Variants in LRP1B observed in about 807,000 individuals in gnomAD.
The protein encoded by LRP1B is low-density lipoprotein receptor-related protein 1B.
Under a neutral mutation model 556.6 loss-of-function variants are expected in LRP1B, and 217 were observed. The ratio of observed to expected loss-of-function variants is 0.39; its 90% CI spans 0.35 to 0.44. The LOEUF is 0.44. LRP1B is among the 20% of genes least tolerant of loss of function. The pLI is 1.00. For missense variants in LRP1B, 5,053 were observed against 5,620.8 expected (o/e 0.90, Z 3.23); for synonymous variants, 2,047 against 1,865.8 (o/e 1.10, Z -2.50).
intron 3 of LRP1B, among the ~76,000 whole-genome samples, chr2:141,389,992 G>T (rs1456088244): frequency 6.6e-6 from 1 of 152,042 alleles, no homozygotes; most frequent in Non-Finnish European, 1.5e-5. Flanking sequence ...ATGAAAATTG[G>T]CCAGGAGTGA....
chr2:140,395,490 G>C (rs542185825), intron 66 of LRP1B, among the ~76,000 whole-genome samples: 1 of 152,174 alleles, frequency 6.6e-6, no homozygotes, highest in Admixed American at 6.5e-5. Flanking sequence ...CACTTACAGG[G>C]ACAACCTGTT....
At chr2:140,382,537 T>C (rs527586570) in intron 67 of LRP1B, among the ~76,000 whole-genome samples, 3 of 152,092 alleles carry the variant, frequency 2.0e-5, no homozygotes, top group Non-Finnish European at 2.9e-5. Context: ...GAAATAATTG[T>C]TGAAGCAAAG....
At position 142,053,857 on chromosome 2, in the gene LRP1B, G is replaced by T. The variant is rs145371281; in HGVS notation, c.82+76791C>A. Among the ~76,000 whole-genome samples, 544 of 152,274 alleles carry T rather than the reference G, an allele frequency of 3.6e-3. 4 individuals carry two copies. The highest frequency in any genetic ancestry group is 0.013 in the African/African-American group (522 of 41,564). On this transcript the variant is annotated intron_variant, in intron 1 of 90. Coordinates refer to ENST00000389484, the MANE Select transcript of LRP1B (RefSeq NM_018557.3). ...GAGTTAAGTGAGTAAGTCAGAATTT[G>T]TAAGTGCAATTACAAATGCTGCAAT...
chr2:140,654,421 A>G (rs933552778), intron 41 of LRP1B, among the ~76,000 whole-genome samples: 36 of 152,330 alleles, frequency 2.4e-4, no homozygotes, highest in African/African-American at 8.4e-4. Flanking sequence ...ATATGTATAT[A>G]AGGGAAAAGG....
intron 87 of LRP1B, among the ~76,000 whole-genome samples, chr2:140,240,918 C>T (rs1007940620): frequency 1.3e-5 from 2 of 150,854 alleles, no homozygotes; most frequent in African/African-American, 4.8e-5. Flanking sequence ...GCTTTATAGC[C>T]AGAGGATATC....
At chr2:140,356,541 TAA>T in intron 74 of LRP1B, 65 bp from the exon 75 acceptor site, 1 of 1,149,286 alleles carries the variant, frequency 8.7e-7, no homozygotes, top group Non-Finnish European at 1.3e-6. Flanking sequence ...AGTTAACTTT[TAA>T]AAAATGTTTG....
At chr2:141,874,084 A>ATTTTTTTTT (rs200281267) in intron 1 of LRP1B, among the ~76,000 whole-genome samples, 16 of 103,136 alleles carry the variant, frequency 1.6e-4, no homozygotes, top group East Asian at 5.3e-4. Context: ...TGAACTAACA[A>ATTTTTTTTT]TTTTTTTTTT....
chr2:140,993,985 G>T lies in LRP1B; in HGVS notation c.2644+10C>A, dbSNP rs1352399056. On this transcript the variant is annotated intron_variant, in intron 16 of 90. Transcript: ENST00000389484. ...AATACAATTTTTAGGTGACTTGGAA[G>T]AGAACATACAGCAGTTTACTGAATC... is the stretch of plus-strand genomic sequence containing the variant. 2.5e-6 allele frequency: 4 copies of T among 1,610,664 alleles called. No individual in the cohort carries two copies. The highest frequency in any genetic ancestry group is 1.7e-6 in the Non-Finnish European group (2 of 1,178,248).
intron 1 of LRP1B, among the ~76,000 whole-genome samples, chr2:142,120,274 G>A (rs901278744): frequency 6.6e-6 from 1 of 152,194 alleles, no homozygotes; most frequent in South Asian, 2.1e-4. Flanking sequence ...ACTATGCCTG[G>A]CTAATTTTTG....
chr2:141,549,725 G>A (rs367873813), intron 2 of LRP1B, among the ~76,000 whole-genome samples: 9 of 152,118 alleles, frequency 5.9e-5, no homozygotes, highest in Non-Finnish European at 8.8e-5. Flanking sequence ...GGCCAGGAGC[G>A]GTGGCTCACA....
intron 2 of LRP1B, among the ~76,000 whole-genome samples, chr2:141,788,765 A>G (rs1488301158): frequency 1.5e-5 from 2 of 136,972 alleles, no homozygotes; most frequent in Non-Finnish European, 3.0e-5. Context: ...TTCAATTCCC[A>G]CCTATGAGCG....
intron 16 of LRP1B, among the ~76,000 whole-genome samples, chr2:140,992,269 G>A (rs949684396): frequency 2.0e-5 from 3 of 152,000 alleles, no homozygotes; most frequent in Non-Finnish European, 2.9e-5. Flanking sequence ...CATGGCTTGG[G>A]TGATGGATTG....
intron 2 of LRP1B, among the ~76,000 whole-genome samples, chr2:141,803,178 T>G (rs372075924): frequency 6.6e-6 from 1 of 151,396 alleles, no homozygotes; most frequent in Non-Finnish European, 1.5e-5. Flanking sequence ...CGTATGCCTG[T>G]GTGAATTGTA....
intron 32 of LRP1B, among the ~76,000 whole-genome samples, chr2:140,777,058 C>T (rs1476177957): frequency 1.3e-5 from 2 of 152,036 alleles, no homozygotes; most frequent in Non-Finnish European, 2.9e-5. Flanking sequence ...CCATGAGAGG[C>T]TTTAAAACAT....
chr2:140,636,503 T>C (rs912246348), intron 41 of LRP1B, among the ~76,000 whole-genome samples: 4 of 152,142 alleles, frequency 2.6e-5, no homozygotes, highest in Non-Finnish European at 5.9e-5. Flanking sequence ...TAAAAATGTG[T>C]GTTTTCTATC....
At chr2:141,438,626 A>C (rs1049294315) in intron 3 of LRP1B, among the ~76,000 whole-genome samples, 2 of 152,258 alleles carry the variant, frequency 1.3e-5, no homozygotes, top group South Asian at 4.1e-4. Context: ...CTGAATAAGG[A>C]TTTAGAGTTC....
chr2:141,615,063 G>A (rs1484908394), intron 2 of LRP1B, among the ~76,000 whole-genome samples: 2 of 152,200 alleles, frequency 1.3e-5, no homozygotes, highest in Non-Finnish European at 2.9e-5. Flanking sequence ...GGACCTTCTA[G>A]TGAGGTCTCT....
intron 74 of LRP1B, 61 bp from the exon 75 acceptor site, chr2:140,356,537 C>T: frequency 8.2e-7 from 1 of 1,215,236 alleles, no homozygotes. Flanking sequence ...GGGGAGTTAA[C>T]TTTTAAAAAA....
chr2:141,269,437 C>A (rs1418433978), intron 3 of LRP1B, among the ~76,000 whole-genome samples: 2 of 152,116 alleles, frequency 1.3e-5, no homozygotes, highest in Non-Finnish European at 2.9e-5. Context: ...AAGCTATCTG[C>A]TAAGTGTAAT....
Sources: allele counts gnomAD v4.1 joint callset (sites outside exome capture counted in the v4.1 genomes callset), GRCh38; gene constraint gnomAD v4.1.1; transcripts MANE v1.5; gene names NCBI Gene and HGNC (gene_info 2026-07-23, HGNC 2026-07-21).